Variants in MGRN1 observed in about 807,000 individuals in gnomAD.
MGRN1 encodes E3 ubiquitin-protein ligase MGRN1.
Under a neutral mutation model 69.2 loss-of-function variants are expected in MGRN1, and 29 were observed. That is an observed-to-expected ratio of 0.42 (90% confidence interval 0.31 to 0.57). The LOEUF (loss-of-function observed/expected upper bound fraction) is 0.57, where lower values mean the gene tolerates loss of function less well. Among genes scored for constraint, MGRN1 ranks in the 20% least tolerant of loss-of-function variants. MGRN1 has a pLI of 0.15. For missense variants in MGRN1, 998 were observed against 796.2 expected, an observed-to-expected ratio of 1.25 and a Z score of -3.05; for synonymous variants, 470 against 344.2, an observed-to-expected ratio of 1.37 and a Z score of -4.04.
intron 5 of MGRN1, among the ~76,000 whole-genome samples, chr16:4,659,422 C>T (rs1458836275): frequency 2.0e-5 from 3 of 152,160 alleles, no homozygotes; most frequent in South Asian, 2.1e-4. Context: ...TCTCCGAGCC[C>T]TGTGAGCCAT....
intron 16 of MGRN1, chr16:4,686,616 C>T: frequency 8.4e-7 from 1 of 1,193,718 alleles, no homozygotes; most frequent in Non-Finnish European, 1.0e-6. Flanking sequence ...GAGACAGACA[C>T]AGCCCAGGTG....
In MGRN1 at chr16:4,668,319, C is replaced by A. The variant is rs572288907; in HGVS notation, c.726+7C>A. 9 of 1,613,618 alleles carry A rather than the reference C, an allele frequency of 5.6e-6. No homozygotes were observed. The highest frequency in any genetic ancestry group is 7.6e-6 in the Non-Finnish European group (9 of 1,179,848). ...TTTAAAGCAGAAGCAAATTGTAAGT[C>A]ATCAGAGGAAATATGACGTGCTTGA... is the stretch of plus-strand genomic sequence containing the variant. On this transcript the variant is annotated splice_region_variant and intron_variant, in intron 8 of 16. Coordinates refer to ENST00000262370, the MANE Select transcript of MGRN1 (RefSeq NM_015246.4).
At chr16:4,641,764 C>A (rs2078164867) in intron 1 of MGRN1, among the ~76,000 whole-genome samples, 1 of 152,114 alleles carries the variant, frequency 6.6e-6, no homozygotes, top group African/African-American at 2.4e-5. Context: ...GGTGATTCGC[C>A]TGCCTCGGCC....
At chr16:4,631,506 T>C (rs1897998275) in intron 1 of MGRN1, among the ~76,000 whole-genome samples, 1 of 152,236 alleles carries the variant, frequency 6.6e-6, no homozygotes, top group Non-Finnish European at 1.5e-5. Flanking sequence ...TGGGGGCATC[T>C]GTTGGGTAGA....
intron 5 of MGRN1, among the ~76,000 whole-genome samples, chr16:4,657,945 T>G (rs2078588758): frequency 6.6e-6 from 1 of 151,340 alleles, no homozygotes; most frequent in East Asian, 2.0e-4. Context: ...GGTTTCACCG[T>G]GTTAGCCAGG....
At chr16:4,676,197 C>G (rs1420429772) in intron 10 of MGRN1, among the ~76,000 whole-genome samples, 1 of 152,222 alleles carries the variant, frequency 6.6e-6, no homozygotes, top group African/African-American at 2.4e-5. Flanking sequence ...GGCCGCCCAG[C>G]CTGTGGCAGA....
intron 1 of MGRN1, chr16:4,649,301 T>G (rs1371621511): frequency 6.6e-6 from 1 of 152,228 alleles, no homozygotes; most frequent in Non-Finnish European, 1.5e-5. Context: ...AAGGATTTCT[T>G]GGGGTGGCTG....
chr16:4,627,108 G>A lies in MGRN1; in HGVS notation c.88+2060G>A, dbSNP rs554689688. Among the ~76,000 whole-genome samples, 10 of 152,316 alleles carry A rather than the reference G, an allele frequency of 6.6e-5. No individual in the cohort carries two copies. The East Asian group carries it at 1.7e-3, about 26-fold the overall frequency. ...AGGTCAAGGGTGGGAGGCAGGCCGG[G>A]CCTCAGCAGCATTTTGGTGTGTTTC... On this transcript the variant is annotated intron_variant, in intron 1 of 16. Transcript: ENST00000262370.
intron 4 of MGRN1, 35 bp downstream of exon 4, chr16:4,652,859 G>A (rs761064977): frequency 1.9e-6 from 3 of 1,559,992 alleles, no homozygotes; most frequent in South Asian, 1.2e-5. Context: ...CGGCCTGGCT[G>A]GGGGCCCCAG....
intron 16 of MGRN1, among the ~76,000 whole-genome samples, chr16:4,684,621 G>A (rs915054539): frequency 4.6e-5 from 7 of 152,250 alleles, no homozygotes; most frequent in Non-Finnish European, 7.3e-5. Context: ...CACCTTTCCC[G>A]GAGGCTCGGG....
In MGRN1 at chr16:4,677,748, G is replaced by A. The variant is rs575122742; in HGVS notation, c.1065+176G>A. Among the ~76,000 whole-genome samples the A allele has an allele frequency of 4.6e-5, 7 of 152,264 alleles. No individual in the cohort carries two copies. In the South Asian group the frequency reaches 1.5e-3, roughly 32 times the overall value. ...GGGGGTGGCCAGGCTGGGCCCTGGGGTGCCGCTGCTGGGAACAGCGCTGCT... is the reference window on the plus strand; with the variant it reads ...GGGGGTGGCCAGGCTGGGCCCTGGGATGCCGCTGCTGGGAACAGCGCTGCT... On this transcript the variant is annotated intron_variant, in intron 11 of 16. Transcript: ENST00000262370.
chr16:4,631,451 A>G (rs550185563), intron 1 of MGRN1, among the ~76,000 whole-genome samples: 5 of 152,332 alleles, frequency 3.3e-5, no homozygotes, highest in African/African-American at 1.2e-4. Context: ...TTGCCCTCTC[A>G]AGGGACATTT....
At chr16:4,668,406 C>T in intron 8 of MGRN1, 94 bp downstream of exon 8, 4 of 1,330,432 alleles carry the variant, frequency 3.0e-6, no homozygotes, top group South Asian at 2.5e-5. Context: ...CACACTCATA[C>T]ACACGCACAT....
intron 11 of MGRN1, 44 bp from the exon 12 acceptor site, chr16:4,679,988 C>T (rs764987697): frequency 6.3e-7 from 1 of 1,579,656 alleles, no homozygotes; most frequent in Non-Finnish European, 8.7e-7. Context: ...TCCAGGGCCG[C>T]GTGGGGGTGG....
chr16:4,662,557 G>A (rs2078707143), intron 5 of MGRN1, among the ~76,000 whole-genome samples: 1 of 152,060 alleles, frequency 6.6e-6, no homozygotes, highest in African/African-American at 2.4e-5. Flanking sequence ...CACAACAACT[G>A]TAGCAGCCAC....
In MGRN1 at chr16:4,657,141, A is replaced by G. The variant is rs567468110; in HGVS notation, c.444-105A>G. On this transcript the variant is annotated intron_variant, in intron 4 of 16. Coordinates refer to ENST00000262370, the MANE Select transcript of MGRN1 (RefSeq NM_015246.4). ...CTGTTCCCCATGAGAGAGGGTCCCCAAAAGACAGGTGTCTGCGGCCCTTCC... is the reference window on the plus strand; with the variant it reads ...CTGTTCCCCATGAGAGAGGGTCCCCGAAAGACAGGTGTCTGCGGCCCTTCC... 3.9e-4 allele frequency: 431 copies of G among 1,113,122 alleles called. 2 individuals carry two copies. In the African/African-American group the frequency reaches 5.9e-3, roughly 15 times the overall value. 69.0% of individuals were successfully genotyped at this position (1,113,122 alleles called of 1,614,324 possible).
At chr16:4,626,015 AC>A (rs1177331306) in intron 1 of MGRN1, among the ~76,000 whole-genome samples, 1 of 152,142 alleles carries the variant, frequency 6.6e-6, no homozygotes, top group African/African-American at 2.4e-5. Context: ...GTGGGGGAGG[AC>A]TGCTAGACAT....
At chr16:4,679,998 G>A (rs780993918) in intron 11 of MGRN1, 34 bp from the exon 12 acceptor site, 2 of 1,605,156 alleles carry the variant, frequency 1.2e-6, no homozygotes, top group South Asian at 1.1e-5. Context: ...CGTGGGGGTG[G>A]TAGTTGTAAA....
At chr16:4,680,265 A>G in intron 12 of MGRN1, 168 bp downstream of exon 12, 2 of 674,886 alleles carry the variant, frequency 3.0e-6, no homozygotes, top group South Asian at 3.9e-5. Context: ...GTGGAACCGG[A>G]AAAGCTCTCG....
Sources: gnomAD v4.1 joint callset for allele counts (sites outside exome capture counted in the v4.1 genomes callset) on GRCh38, gnomAD v4.1.1 for gene constraint, MANE v1.5 for transcripts, NCBI Gene and HGNC (gene_info 2026-07-23, HGNC 2026-07-21) for gene names.